MAPK10: variants seen among roughly 807,000 people sequenced by gnomAD.
MAPK10 encodes the protein JNK3 alpha protein kinase.
Under a neutral mutation model 59.3 loss-of-function variants are expected in MAPK10, and 25 were observed. The ratio of observed to expected loss-of-function variants is 0.42; its 90% CI spans 0.31 to 0.59. The LOEUF (loss-of-function observed/expected upper bound fraction) is 0.59, where lower values mean the gene tolerates loss of function less well. Ranked by LOEUF, MAPK10 falls within the 20% of genes least tolerant of loss-of-function variation. MAPK10 has a pLI of 0.15. For missense variants in MAPK10, 351 were observed against 568.9 expected, an observed-to-expected ratio of 0.62 and a Z score of 3.90; for synonymous variants, 190 against 200.5, an observed-to-expected ratio of 0.95 and a Z score of 0.44.
chr4:86,328,897 G>A (rs911907000), intron 2 of MAPK10, among the ~76,000 whole-genome samples: 2 of 152,060 alleles, frequency 1.3e-5, no homozygotes, highest in Non-Finnish European at 2.9e-5. Context: ...AATACTTAAC[G>A]CACGAGGGGG....
chr4:86,134,194 G>C (rs2061487110), intron 4 of MAPK10, among the ~76,000 whole-genome samples: 2 of 152,182 alleles, frequency 1.3e-5, no homozygotes, highest in Admixed American at 1.3e-4. Context: ...ATTGACACTT[G>C]TGACTTCAAA....
At chr4:86,567,173 A>G (rs1761114424) in intron 1 of MAPK10, among the ~76,000 whole-genome samples, 1 of 152,194 alleles carries the variant, frequency 6.6e-6, no homozygotes, top group South Asian at 2.1e-4. Flanking sequence ...ATCTTATTCA[A>G]AAGTATAATT....
intron 2 of MAPK10, among the ~76,000 whole-genome samples, chr4:86,341,822 A>AAG (rs1262621825): frequency 3.0e-5 from 2 of 66,516 alleles, no homozygotes; most frequent in Non-Finnish European, 7.6e-5. Flanking sequence ...CCAAAAAAGA[A>AAG]AAAAAAAAAA....
intron 2 of MAPK10, among the ~76,000 whole-genome samples, chr4:86,281,506 AAAAAT>A (rs141438558): frequency 0.11 from 16,970 of 148,506 alleles, 1,074 homozygotes; most frequent in African/African-American, 0.16. Flanking sequence ...CCTCAAAATA[AAAAAT>A]AAAATAAAAT....
intron 2 of MAPK10, among the ~76,000 whole-genome samples, chr4:86,214,700 C>T (rs1269425891): frequency 6.6e-6 from 1 of 151,752 alleles, no homozygotes; most frequent in Non-Finnish European, 1.5e-5. Context: ...TAGGAATTGA[C>T]TTAACCAAGA....
At chr4:86,437,482 T>C (rs1184559795) in intron 1 of MAPK10, among the ~76,000 whole-genome samples, 1 of 152,212 alleles carries the variant, frequency 6.6e-6, no homozygotes, top group Non-Finnish European at 1.5e-5. Flanking sequence ...TGGGTTATGA[T>C]ATACTATCTT....
At chr4:86,380,246 C>A (rs1219371771) in intron 1 of MAPK10, among the ~76,000 whole-genome samples, 1 of 151,498 alleles carries the variant, frequency 6.6e-6, no homozygotes, top group Non-Finnish European at 1.5e-5. Flanking sequence ...AACAAACAAA[C>A]AAAAAAAACC....
At chr4:86,035,643 C>T (rs911631279) in intron 11 of MAPK10, among the ~76,000 whole-genome samples, 5 of 151,154 alleles carry the variant, frequency 3.3e-5, no homozygotes, top group Non-Finnish European at 7.4e-5. Flanking sequence ...AATAAATAAA[C>T]TTGGTAGAAG....
intron 1 of MAPK10, among the ~76,000 whole-genome samples, chr4:86,376,854 A>C (rs1739900682): frequency 6.6e-6 from 1 of 152,232 alleles, no homozygotes; most frequent in South Asian, 2.1e-4. Context: ...TCCTAAATGA[A>C]ACCACTAAAG....
rs117675155 is a variant in MAPK10, at chr4:86,046,024, A to G, written c.1111-14593T>C. On this transcript the variant is annotated intron_variant, in intron 11 of 13. Transcript: ENST00000641462. ...CACTAGACCATGGGACAAAGAATTG[A>G]GAATAAAAGACCTAGGAATCCAACT... Among the ~76,000 whole-genome samples, 26 of 151,890 alleles carry G rather than the reference A, an allele frequency of 1.7e-4. No individual in the cohort carries two copies. In the East Asian group the frequency reaches 5.2e-3, roughly 30 times the overall value.
At chr4:86,131,802 A>G (rs1231546792) in intron 4 of MAPK10, among the ~76,000 whole-genome samples, 1 of 152,220 alleles carries the variant, frequency 6.6e-6, no homozygotes, top group Non-Finnish European at 1.5e-5. Context: ...ATGAGCTAAC[A>G]TGGACTATCA....
chr4:86,514,991 C>T (rs1460401854), intron 1 of MAPK10, among the ~76,000 whole-genome samples: 1 of 152,088 alleles, frequency 6.6e-6, no homozygotes, highest in Non-Finnish European at 1.5e-5. Flanking sequence ...TTTTATTCCT[C>T]ACCCCCACCT....
chr4:86,473,889 C>T (rs1244681660), intron 1 of MAPK10, among the ~76,000 whole-genome samples: 1 of 152,140 alleles, frequency 6.6e-6, no homozygotes, highest in Non-Finnish European at 1.5e-5. Context: ...GTGGTTCATG[C>T]CTGTAATCTC....
chr4:86,028,780 A>G (rs1170207002), intron 13 of MAPK10: 1 of 212,580 alleles, frequency 4.7e-6, no homozygotes, highest in African/African-American at 2.3e-5. Flanking sequence ...TGTTTCAACT[A>G]TTGTCACATC....
chr4:86,551,109 G>A (rs530026515), intron 1 of MAPK10, among the ~76,000 whole-genome samples: 1 of 152,236 alleles, frequency 6.6e-6, no homozygotes, highest in South Asian at 2.1e-4. Flanking sequence ...AAGATTTGTG[G>A]CAATTTGTAG....
intron 1 of MAPK10, among the ~76,000 whole-genome samples, chr4:86,576,527 C>G (rs1353147539): frequency 1.3e-5 from 2 of 152,112 alleles, no homozygotes; most frequent in Non-Finnish European, 2.9e-5. Flanking sequence ...GTAATCCCAG[C>G]ACTTTGGGAG....
At chr4:86,249,606 T>C (rs1014077308) in intron 2 of MAPK10, among the ~76,000 whole-genome samples, 9 of 152,268 alleles carry the variant, frequency 5.9e-5, no homozygotes, top group East Asian at 1.9e-4. Flanking sequence ...TGGAAGTGAT[T>C]TGGGGTCAGT....
At chr4:86,454,204 G>T (rs965479349), upstream of MAPK10, among the ~76,000 whole-genome samples, 2 of 152,100 alleles carry the variant, frequency 1.3e-5, no homozygotes, top group African/African-American at 2.4e-5. Flanking sequence ...ATGAAACAAG[G>T]TTCTTTAACA....
chr4:86,499,938 A>C (rs538005079), intron 1 of MAPK10, among the ~76,000 whole-genome samples: 1 of 152,324 alleles, frequency 6.6e-6, no homozygotes, highest in African/African-American at 2.4e-5. Context: ...TTGGGGATGG[A>C]AATCACATGC....
Sources: allele counts gnomAD v4.1 joint callset (sites outside exome capture counted in the v4.1 genomes callset), GRCh38; gene constraint gnomAD v4.1.1; transcripts MANE v1.5; gene names NCBI Gene and HGNC (gene_info 2026-07-23, HGNC 2026-07-21).